GFM1: variants seen among roughly 807,000 people sequenced by gnomAD.
The protein encoded by GFM1 is elongation factor G, mitochondrial.
A neutral mutation model predicts 96.2 loss-of-function variants in GFM1; 62 were observed. The ratio of observed to expected loss-of-function variants is 0.64; its 90% CI spans 0.53 to 0.80. The LOEUF (loss-of-function observed/expected upper bound fraction) is 0.80, where lower values mean the gene tolerates loss of function less well. Among genes scored for constraint, GFM1 ranks in the 30% least tolerant of loss-of-function variants. The pLI, the probability that GFM1 is intolerant of heterozygous loss-of-function variation, is 0.00. For synonymous variants in GFM1, 282 were observed against 312.9 expected (o/e 0.90, Z 1.04); for missense variants, 852 against 916.6 (o/e 0.93, Z 0.91).
chr3:158,656,627 C>G (rs1016702223), intron 8 of GFM1: 1 of 152,214 alleles, frequency 6.6e-6, no homozygotes, highest in South Asian at 2.1e-4. Context: ...GTTCCACCCC[C>G]TTGAAGGGGG....
intron 13 of GFM1, among the ~76,000 whole-genome samples, chr3:158,670,064 A>T (rs568594940): frequency 1.3e-5 from 2 of 152,354 alleles, no homozygotes; most frequent in South Asian, 4.1e-4. Flanking sequence ...GCATTGGGTT[A>T]TGCTTTGTAA....
chr3:158,653,293 A>G lies in GFM1; in HGVS notation c.841-17A>G, dbSNP rs770101036. On this transcript the variant is annotated splice_polypyrimidine_tract_variant and intron_variant, in intron 6 of 17. Transcript: ENST00000486715. ...TAATTTTAACATTAACTACCATTAAATTGTTTTCTTTTGTAGCTAGCAATT... is the reference window on the plus strand; with the variant it reads ...TAATTTTAACATTAACTACCATTAAGTTGTTTTCTTTTGTAGCTAGCAATT... 8.1e-6 allele frequency: 13 copies of G among 1,604,250 alleles called. No homozygotes were observed. Among genetic ancestry groups the G allele is most frequent in the Admixed American group, 3.4e-5 (2 of 59,586 alleles).
intron 13 of GFM1, among the ~76,000 whole-genome samples, chr3:158,678,605 AC>A (rs1431655168): frequency 6.6e-6 from 1 of 152,254 alleles, no homozygotes; most frequent in Non-Finnish European, 1.5e-5. Context: ...TCAAACTTGA[AC>A]AGATGAGGAG....
intron 13 of GFM1, among the ~76,000 whole-genome samples, chr3:158,676,088 C>T (rs1724863085): frequency 6.6e-6 from 1 of 152,094 alleles, no homozygotes; most frequent in Non-Finnish European, 1.5e-5. Flanking sequence ...GTCTGAGCAA[C>T]ATGGCGAAGC....
chr3:158,646,619 C>A, intron 3 of GFM1, 124 bp from the exon 4 acceptor site: 3 of 913,234 alleles, frequency 3.3e-6, no homozygotes, highest in Non-Finnish European at 5.2e-6. Context: ...TATTGGTGAG[C>A]TCAGGAATCT....
In GFM1 at chr3:158,645,635, TGGAAGGCCTGC is replaced by T. The variant is rs763423294; in HGVS notation, c.89_99del (p.Trp30SerfsTer10). The T allele has an allele frequency of 6.2e-7, 1 of 1,612,730 alleles. No individual in the cohort carries two copies. The highest frequency in any genetic ancestry group is 1.3e-5 in the African/African-American group (1 of 75,004). The stretch of plus-strand genomic sequence containing the variant: ...GCTCTCGTATTTTTTTCAGGTTAAT[TGGAAGGCCTGC>T]CGATGGTCTTCATCAGGGGTGATTC... On this transcript the variant is annotated frameshift_variant, in exon 2 of 18. Transcript: ENST00000486715. LOFTEE classifies it high-confidence loss of function.
chr3:158,650,573 CTT>C (rs1017161147), intron 5 of GFM1: 1 of 153,446 alleles, frequency 6.5e-6, no homozygotes, highest in African/African-American at 2.4e-5. Context: ...AAGCAGGGAG[CTT>C]GCCAGGAAGG....
At position 158,646,800 on chromosome 3, in the gene GFM1, T is replaced by G. The variant is rs377376749; in HGVS notation, c.425T>G (p.Val142Gly). The G allele has an allele frequency of 1.3e-5, 21 of 1,614,056 alleles. No individual in the cohort carries two copies. The African/African-American group carries it at 2.5e-4, about 19-fold the overall frequency. The change falls in exon 4 of 18, where the codon GTC becomes GGC. Residue 142 changes from valine (V) to glycine (G), a missense_variant. Physicochemically the swap from Val to Gly is moderately radical, Grantham distance 109. Coordinates refer to ENST00000486715, the MANE Select transcript of GFM1 (RefSeq NM_024996.7). ...ERALRVLDGA[V>G]LVLCAVGGVQ... Reference sequence around the variant, plus strand: ...GCCCTGAGAGTGTTGGATGGTGCAGTCCTTGTTCTCTGTGCTGTTGGAGGG... The same window carrying G: ...GCCCTGAGAGTGTTGGATGGTGCAGGCCTTGTTCTCTGTGCTGTTGGAGGG...
At chr3:158,689,611 C>A (rs1398356173) in intron 15 of GFM1, among the ~76,000 whole-genome samples, 1 of 151,892 alleles carries the variant, frequency 6.6e-6, no homozygotes, top group Non-Finnish European at 1.5e-5. Flanking sequence ...CCTGTGTCTA[C>A]TAAAAATACA....
At chr3:158,682,365 G>T (rs1725472855) in intron 14 of GFM1, 1 of 539,508 alleles carries the variant, frequency 1.9e-6, no homozygotes, top group Non-Finnish European at 3.3e-6. Context: ...ACAATGATGG[G>T]AAATTATTAT....
chr3:158,677,178 A>G (rs146573983), intron 13 of GFM1, among the ~76,000 whole-genome samples: 58 of 152,336 alleles, frequency 3.8e-4, no homozygotes, highest in African/African-American at 1.3e-3. Flanking sequence ...CCCATATAAG[A>G]TAGCAAACTT....
chr3:158,664,909 C>G (rs1039640148), intron 11 of GFM1, among the ~76,000 whole-genome samples: 4 of 152,118 alleles, frequency 2.6e-5, no homozygotes, highest in African/African-American at 9.7e-5. Flanking sequence ...GTGGTATTTG[C>G]CTATTTGTTG....
At position 158,652,168 on chromosome 3, in the gene GFM1, T is replaced by A. The variant is rs1187857090; in HGVS notation, c.762T>A (p.Ile254=). Residue 254 remains isoleucine (I), a synonymous_variant, in exon 6 of 18, where the codon ATT becomes ATA. Transcript: ENST00000486715. ...AAATDHRQEL[I]ECVANSDEQL... ...CCACTGACCACCGGCAGGAGCTAATTGAATGTGTTGCCAATTCAGATGAAC... is the reference window on the plus strand; with the variant it reads ...CCACTGACCACCGGCAGGAGCTAATAGAATGTGTTGCCAATTCAGATGAAC... The A allele has an allele frequency of 3.7e-6, 6 of 1,613,926 alleles. No homozygotes were observed. The highest frequency in any genetic ancestry group is 5.1e-6 in the Non-Finnish European group (6 of 1,179,886).
At chr3:158,681,927 A>G in intron 13 of GFM1, 68 bp from the exon 14 acceptor site, 1 of 1,256,328 alleles carries the variant, frequency 8.0e-7, no homozygotes, top group Non-Finnish European at 1.1e-6. Context: ...GTTCTTTTAA[A>G]TTAATAGGAG....
intron 13 of GFM1, among the ~76,000 whole-genome samples, chr3:158,674,895 G>A (rs1402224696): frequency 6.6e-6 from 1 of 152,050 alleles, no homozygotes; most frequent in African/African-American, 2.4e-5. Flanking sequence ...CAAATAAACA[G>A]CCAAAAATGT....
chr3:158,690,449 T>G, intron 16 of GFM1, 126 bp downstream of exon 16: 1 of 891,410 alleles, frequency 1.1e-6, no homozygotes, highest in Non-Finnish European at 1.9e-6. Context: ...TGTGGCATTT[T>G]CTGTAATTTG....
intron 11 of GFM1, among the ~76,000 whole-genome samples, chr3:158,664,544 A>T (rs755144078): frequency 1.3e-5 from 2 of 152,180 alleles, no homozygotes; most frequent in African/African-American, 2.4e-5. Flanking sequence ...AGTGCCGTCA[A>T]CAGCTGGTTA....
chr3:158,668,612 A>G (rs1560137103), intron 13 of GFM1, among the ~76,000 whole-genome samples: 1 of 152,244 alleles, frequency 6.6e-6, no homozygotes, highest in Non-Finnish European at 1.5e-5. Flanking sequence ...TTGAAAGTGC[A>G]GTCTAGATAC....
At chr3:158,655,810 G>T (rs1576739484) in intron 8 of GFM1, 4 of 453,454 alleles carry the variant, frequency 8.8e-6, no homozygotes, top group Non-Finnish European at 1.8e-5. Context: ...TTTAGTTTTT[G>T]TCTAGGTCCT....
Sources: gnomAD v4.1 joint callset for allele counts (sites outside exome capture counted in the v4.1 genomes callset) on GRCh38, gnomAD v4.1.1 for gene constraint, MANE v1.5 for transcripts, NCBI Gene and HGNC (gene_info 2026-07-23, HGNC 2026-07-21) for gene names.